The following WDR55 variants were observed in gnomAD, a reference collection of about 807,000 sequenced individuals.
WDR55 encodes the protein WD repeat-containing protein 55.
A neutral mutation model predicts 34.0 loss-of-function variants in WDR55; 31 were observed. The observed-to-expected ratio is 0.91, with a 90% CI of 0.69 to 1.23. The LOEUF (loss-of-function observed/expected upper bound fraction) is 1.23. WDR55 is among the 50% of genes most tolerant of loss of function. WDR55 has a pLI of 0.00. For synonymous variants in WDR55, 164 were observed against 185.9 expected (o/e 0.88, Z 0.96); for missense variants, 440 against 494.6 (o/e 0.89, Z 1.05).
chr5:140,668,556 A>G, intron 3 of WDR55, 54 bp downstream of exon 3: 1 of 1,610,494 alleles, frequency 6.2e-7, no homozygotes, highest in Non-Finnish European at 8.5e-7. Flanking sequence ...GGTAAGGACC[A>G]GGAGGTCCCC....
At position 140,671,644 on chromosome 5, in the gene WDR55, C is replaced by T. The variant is rs1392772805; in HGVS notation, c.*1990C>T. On this transcript the variant is annotated 3_prime_UTR_variant, in exon 7 of 7. Transcript: ENST00000358337. Reference sequence around the variant, plus strand: ...CCAAAGCCAACTGGCTGCCCTCTGGCTGTGGGGACCGCAAGAAGGGACCCA... The same window carrying T: ...CCAAAGCCAACTGGCTGCCCTCTGGTTGTGGGGACCGCAAGAAGGGACCCA... 4 of 1,578,772 alleles carry T rather than the reference C, an allele frequency of 2.5e-6. No homozygotes were observed. Among genetic ancestry groups the T allele is most frequent in the Non-Finnish European group, 1.7e-6 (2 of 1,162,608 alleles).
In WDR55 at chr5:140,671,324, C is replaced by G. The variant is rs1208013123; in HGVS notation, c.*1670C>G. ...TTTAACCATGGTACCTGCCTCAGCC[C>G]CAGCAGACCACAGGAGGTTGGCCCC... On this transcript the variant is annotated 3_prime_UTR_variant, in exon 7 of 7. Transcript: ENST00000358337. 1 of 1,612,898 alleles carries G rather than the reference C, an allele frequency of 6.2e-7. No individual in the cohort carries two copies. Among genetic ancestry groups the G allele is most frequent in the Admixed American group, 1.7e-5 (1 of 60,024 alleles).
chr5:140,667,044 G>A lies in WDR55; in HGVS notation c.192-1190G>A, dbSNP rs907038992. On this transcript the variant is annotated intron_variant, in intron 1 of 6. Transcript: ENST00000358337. ...ACTTCTGTATTTTCATCTTTGAAAG[G>A]GGGAATTATACCTACCCTTGCAGAG... is the stretch of plus-strand genomic sequence containing the variant. 5 of 985,296 alleles carry A rather than the reference G, an allele frequency of 5.1e-6. No individual in the cohort carries two copies. The South Asian group carries it at 1.9e-4, about 37-fold the overall frequency. 61.0% of individuals were successfully genotyped at this position (985,296 alleles called of 1,614,324 possible). A position where few individuals can be genotyped will look rare whatever the true frequency, so the allele number is the denominator to read the frequency against.
At chr5:140,668,139 G>A in intron 1 of WDR55, 95 bp from the exon 2 acceptor site, 1 of 1,392,914 alleles carries the variant, frequency 7.2e-7, no homozygotes. Context: ...GGAACTCTTA[G>A]GTAGGTGGGA....
At position 140,669,328 on chromosome 5, in the gene WDR55, C is replaced by A; in HGVS notation, c.831-5C>A. The A allele has an allele frequency of 6.2e-7, 1 of 1,610,298 alleles. No homozygotes were observed. On this transcript the variant is annotated splice_region_variant and splice_polypyrimidine_tract_variant and intron_variant, in intron 6 of 6. Transcript: ENST00000358337. Reference sequence around the variant, plus strand: ...AGTACTCAACACTGTTCTTTCCCTGCCCAGGGCTGTGAACATCCTACCGAA... The same window carrying A: ...AGTACTCAACACTGTTCTTTCCCTGACCAGGGCTGTGAACATCCTACCGAA...
intron 1 of WDR55, chr5:140,666,789 T>C: frequency 1.0e-6 from 1 of 985,442 alleles, no homozygotes; most frequent in Non-Finnish European, 1.2e-6. Flanking sequence ...TAGTCCGTTA[T>C]ATGACTAGAA....
chr5:140,671,826 T>A lies in WDR55; in HGVS notation c.*2172T>A, dbSNP rs1581494862. 1 of 1,456,898 alleles carries A rather than the reference T, an allele frequency of 6.9e-7. No homozygotes were observed. Among genetic ancestry groups the A allele is most frequent in the East Asian group, 2.5e-5 (1 of 40,490 alleles). The allele number at this position is 1,456,898 out of a possible 1,614,324, so 90.2% of individuals were successfully genotyped here. On this transcript the variant is annotated 3_prime_UTR_variant, in exon 7 of 7. Coordinates refer to ENST00000358337, the MANE Select transcript of WDR55 (RefSeq NM_017706.5). ...CTCCAGGTGGTGAGCCCTTTGGAGCTACACAGTCCTGTTATTTGTAGCCTT... is the reference window on the plus strand; with the variant it reads ...CTCCAGGTGGTGAGCCCTTTGGAGCAACACAGTCCTGTTATTTGTAGCCTT...
At chr5:140,665,695 G>A (rs111832941) in intron 1 of WDR55, among the ~76,000 whole-genome samples, 2 of 152,300 alleles carry the variant, frequency 1.3e-5, no homozygotes, top group African/African-American at 4.8e-5. Flanking sequence ...GACAGGCTCA[G>A]CAGGCCCCTT....
At chr5:140,668,537 G>C in intron 3 of WDR55, 35 bp downstream of exon 3, 4 of 1,612,136 alleles carry the variant, frequency 2.5e-6, no homozygotes, top group Non-Finnish European at 3.4e-6. Flanking sequence ...TATGTGCATG[G>C]AGGTGAAGGG....
rs928359466 is a variant in WDR55 at position 140,670,966 on chromosome 5, C to T, written c.*1312C>T. On this transcript the variant is annotated 3_prime_UTR_variant, in exon 7 of 7. Transcript: ENST00000358337. ...AACCAACAAAGAGGACAAATCAGGA[C>T]AATAAAGAAGATTCATGCTAAGCTG... 1 of 399,904 alleles carries T rather than the reference C, an allele frequency of 2.5e-6. No individual in the cohort carries two copies. The highest frequency in any genetic ancestry group is 2.4e-5 in the African/African-American group (1 of 41,830). 24.8% of individuals were successfully genotyped at this position (399,904 alleles called of 1,614,324 possible). A position where few individuals can be genotyped will look rare whatever the true frequency, so the allele number is the denominator to read the frequency against.
chr5:140,672,099 A>G lies in WDR55; in HGVS notation c.*2445A>G. On this transcript the variant is annotated 3_prime_UTR_variant, in exon 7 of 7. Transcript: ENST00000358337. ...GTTACTTAATTCTCATAACAGTCTG[A>G]GGAAACAGATTCTATAGTAGTAAAA... 1 of 543,476 alleles carries G rather than the reference A, an allele frequency of 1.8e-6. No individual in the cohort carries two copies. The highest frequency in any genetic ancestry group is 2.1e-5 in the South Asian group (1 of 46,804). The allele number at this position is 543,476 out of a possible 1,614,324, so 33.7% of individuals were successfully genotyped here. A position where few individuals can be genotyped will look rare whatever the true frequency, so the allele number is the denominator to read the frequency against.
rs748878829 is a variant in WDR55, at chr5:140,668,990, A to G, written c.660A>G (p.Lys220=). ...ACCTGACCTCTGTCACTCTCATGAA[A>G]GTACAGCTGGTTATGGTGGGATGGA... ...SGDLTSVTLM[K]WGKKVACGSS... Residue 220 remains lysine (K), a splice_region_variant and synonymous_variant, in exon 5 of 7, where the codon AAA becomes AAG. Transcript: ENST00000358337. 2.5e-6 allele frequency: 4 copies of G among 1,614,090 alleles called. No individual in the cohort carries two copies. In the South Asian group the frequency reaches 4.4e-5, roughly 18 times the overall value.
chr5:140,669,530 G>T lies in WDR55; in HGVS notation c.1028G>T (p.Gly343Val). 1 of 1,614,092 alleles carries T rather than the reference G, an allele frequency of 6.2e-7. No homozygotes were observed. Among genetic ancestry groups the T allele is most frequent in the East Asian group, 2.2e-5 (1 of 44,870 alleles). The stretch of plus-strand genomic sequence containing the variant: ...TACCGTCGGCGCAAAAAAAAGGGAG[G>T]ACCACTGCGGGCTCTGAGCAGCAAG... Reference protein sequence around the residue: ...DDYRRRKKKGGPLRALSSKTW... With the variant: ...DDYRRRKKKGVPLRALSSKTW... The change falls in exon 7 of 7, where the codon GGA (glycine) becomes GTA (valine). Residue 343 changes from glycine (G) to valine (V), a missense_variant. Gly to Val is a moderately radical substitution (Grantham distance 109). Coordinates refer to ENST00000358337, the MANE Select transcript of WDR55 (RefSeq NM_017706.5).
rs372516743 is a variant in WDR55 at position 140,669,672 on chromosome 5, T to C, written c.*18T>C. ...GTGACTGAAGGAATGAATTGAATCT[T>C]GAGACGGGTCCTCACCAGGCAAGAG... On this transcript the variant is annotated 3_prime_UTR_variant, in exon 7 of 7. Coordinates refer to ENST00000358337, the MANE Select transcript of WDR55 (RefSeq NM_017706.5). 4.9e-5 allele frequency: 79 copies of C among 1,602,846 alleles called. No individual in the cohort carries two copies. Among genetic ancestry groups the C allele is most frequent in the Non-Finnish European group, 6.1e-5 (72 of 1,172,908 alleles).
rs1456399322 is a variant in WDR55, at chr5:140,669,640, G to T, written c.1138G>T (p.Asp380Tyr). ...MAQEEKEETGDDSD is the reference protein window; with the variant it reads ...MAQEEKEETGYDSD Reference sequence around the variant, plus strand: ...TCAGGAAGAAAAGGAGGAGACTGGGGATGACAGTGACTGAAGGAATGAATT... The same window carrying T: ...TCAGGAAGAAAAGGAGGAGACTGGGTATGACAGTGACTGAAGGAATGAATT... The change falls in exon 7 of 7, where the codon GAT becomes TAT. Residue 380 changes from aspartate to tyrosine, a missense_variant. Physicochemically the swap from Asp to Tyr is radical, Grantham distance 160. Coordinates refer to ENST00000358337, the MANE Select transcript of WDR55 (RefSeq NM_017706.5). The T allele has an allele frequency of 6.2e-7, 1 of 1,612,842 alleles. No individual in the cohort carries two copies. Among genetic ancestry groups the T allele is most frequent in the Non-Finnish European group, 8.5e-7 (1 of 1,179,244 alleles).
In WDR55 at chr5:140,668,901, T is replaced by A. The variant is rs1321830878; in HGVS notation, c.571T>A (p.Cys191Ser). The A allele has an allele frequency of 6.2e-7, 1 of 1,614,122 alleles. No homozygotes were observed. Among genetic ancestry groups the A allele is most frequent in the Non-Finnish European group, 8.5e-7 (1 of 1,180,050 alleles). ...CTCTACTCTCTACAGCGGGGATGGCTGCCTTGGCATCTTCAACATTAAGAG... is the reference window on the plus strand; with the variant it reads ...CTCTACTCTCTACAGCGGGGATGGCAGCCTTGGCATCTTCAACATTAAGAG... ...KLLLTASGDG[C>S]LGIFNIKRRR... The change falls in exon 5 of 7, where the codon TGC becomes AGC. Residue 191 changes from cysteine (C) to serine (S), a missense_variant. Physicochemically the swap from Cys to Ser is moderately radical, Grantham distance 112. Transcript: ENST00000358337.
At chr5:140,668,181 A>C in intron 1 of WDR55, 53 bp from the exon 2 acceptor site, 1 of 1,530,540 alleles carries the variant, frequency 6.5e-7, no homozygotes, top group Non-Finnish European at 8.8e-7. Context: ...CTCTGCACTC[A>C]ATGCAACCCA....
chr5:140,668,671 C>T lies in WDR55; in HGVS notation c.440C>T (p.Thr147Ile), dbSNP rs908252114. The change falls in exon 4 of 7, where the codon ACA becomes ATA. Residue 147 changes from threonine (T) to isoleucine (I), a missense_variant. Thr to Ile is a moderately conservative substitution (Grantham distance 89, BLOSUM62 -1). Transcript: ENST00000358337. ...DENVLATGDD[T>I]GGICLWDQRK... Reference sequence around the variant, plus strand: ...AATGTTCTGGCCACTGGGGATGACACAGGTGGTATCTGTCTCTGGGACCAG... The same window carrying T: ...AATGTTCTGGCCACTGGGGATGACATAGGTGGTATCTGTCTCTGGGACCAG... 6 of 1,614,080 alleles carry T rather than the reference C, an allele frequency of 3.7e-6. No homozygotes were observed. The highest frequency in any genetic ancestry group is 1.3e-5 in the African/African-American group (1 of 74,940).
In WDR55 at chr5:140,669,225, T is replaced by G; in HGVS notation, c.807T>G (p.Thr269=). 1 of 1,613,688 alleles carries G rather than the reference T, an allele frequency of 6.2e-7. No individual in the cohort carries two copies. The highest frequency in any genetic ancestry group is 8.5e-7 in the Non-Finnish European group (1 of 1,180,000). The change falls in exon 6 of 7, where the codon ACT becomes ACG. Residue 269 remains threonine (T), a synonymous_variant. Coordinates refer to ENST00000358337, the MANE Select transcript of WDR55 (RefSeq NM_017706.5). ...CAGTCACCGAGAGTCTGCTGTGTACTGGCTCCACTGATGGAGTCATCAGGT... is the reference window on the plus strand; with the variant it reads ...CAGTCACCGAGAGTCTGCTGTGTACGGGCTCCACTGATGGAGTCATCAGGT... ...MVPVTESLLC[T]GSTDGVIRAV...
Sources: gnomAD v4.1 joint callset for allele counts (sites outside exome capture counted in the v4.1 genomes callset) on GRCh38, gnomAD v4.1.1 for gene constraint, MANE v1.5 for transcripts, NCBI Gene and HGNC (gene_info 2026-07-23, HGNC 2026-07-21) for gene names.